MIPEP: variants seen among roughly 807,000 people sequenced by gnomAD.
MIPEP encodes the protein mitochondrial intermediate peptidase.
A neutral mutation model predicts 90.3 loss-of-function variants in MIPEP; 79 were observed. That is an observed-to-expected ratio of 0.87 (90% CI 0.73 to 1.05). MIPEP has a LOEUF of 1.05. MIPEP is among the 50% of genes least tolerant of loss of function. The pLI is 0.00. For synonymous variants in MIPEP, 334 were observed against 315.8 expected (o/e 1.06, Z -0.61); for missense variants, 940 against 905.6 (o/e 1.04, Z -0.49).
At chr13:23,767,196 G>A (rs1033587453) in intron 16 of MIPEP, among the ~76,000 whole-genome samples, 15 of 152,182 alleles carry the variant, frequency 9.9e-5, no homozygotes, top group Non-Finnish European at 2.1e-4. Flanking sequence ...CTGCAGCCTT[G>A]TGTGACCCCC....
intron 18 of MIPEP, among the ~76,000 whole-genome samples, chr13:23,742,064 G>C (rs1294764940): frequency 6.6e-6 from 1 of 152,192 alleles, no homozygotes; most frequent in Non-Finnish European, 1.5e-5. Context: ...CAGCAGAGCA[G>C]CTATTCGAAT....
intron 18 of MIPEP, among the ~76,000 whole-genome samples, chr13:23,753,500 G>C (rs1952462230): frequency 6.6e-6 from 1 of 152,188 alleles, no homozygotes; most frequent in African/African-American, 2.4e-5. Flanking sequence ...GCTGCAACTT[G>C]TCTTTTTTCC....
intron 3 of MIPEP, among the ~76,000 whole-genome samples, chr13:23,879,615 C>T (rs974828467): frequency 1.3e-5 from 2 of 151,968 alleles, no homozygotes; most frequent in African/African-American, 4.8e-5. Flanking sequence ...TCACTGCAGC[C>T]TCAATCTTCT....
intron 2 of MIPEP, among the ~76,000 whole-genome samples, chr13:23,884,816 A>G (rs73160640): frequency 2.5e-3 from 374 of 152,362 alleles, no homozygotes; most frequent in Non-Finnish European, 3.5e-3. Context: ...GTACGTGCTC[A>G]ACATTGACTG....
chr13:23,835,313 G>A (rs867951067), intron 14 of MIPEP, among the ~76,000 whole-genome samples: 2 of 151,812 alleles, frequency 1.3e-5, no homozygotes, highest in African/African-American at 2.4e-5. Context: ...GAGCCACTGT[G>A]CCAGCCAGAA....
intron 4 of MIPEP, among the ~76,000 whole-genome samples, chr13:23,877,297 G>C (rs1025841112): frequency 6.6e-6 from 1 of 151,968 alleles, no homozygotes; most frequent in South Asian, 2.1e-4. Context: ...TCTCCATTTC[G>C]GTCGCTTGCA....
intron 13 of MIPEP, among the ~76,000 whole-genome samples, chr13:23,836,926 CTG>C (rs1869080635): frequency 1.3e-5 from 2 of 152,226 alleles, no homozygotes; most frequent in African/African-American, 2.4e-5. Flanking sequence ...GTCCAAAATA[CTG>C]TGTGTAAAGT....
chr13:23,851,060 G>T (rs1259786210), intron 10 of MIPEP, among the ~76,000 whole-genome samples: 1 of 152,178 alleles, frequency 6.6e-6, no homozygotes, highest in African/African-American at 2.4e-5. Flanking sequence ...TGCCTAAGGA[G>T]CTTTTCCAAG....
chr13:23,806,103 C>T (rs779405392), intron 15 of MIPEP, 34 bp from the exon 16 acceptor site: 14 of 1,611,042 alleles, frequency 8.7e-6, no homozygotes, highest in South Asian at 5.5e-5. Flanking sequence ...TAGTTTTGGT[C>T]GTCCATCCTC....
intron 16 of MIPEP, among the ~76,000 whole-genome samples, chr13:23,768,223 G>A (rs1199147700): frequency 6.6e-6 from 1 of 152,190 alleles, no homozygotes; most frequent in African/African-American, 2.4e-5. Flanking sequence ...GGGAGGCCAA[G>A]TTTACACCCG....
intron 15 of MIPEP, 64 bp from the exon 16 acceptor site, chr13:23,806,133 C>T: frequency 6.4e-7 from 1 of 1,558,098 alleles, no homozygotes. Flanking sequence ...TGTGGTTGAC[C>T]AAAGATGCTA....
At chr13:23,762,842 C>T (rs1359426) in intron 16 of MIPEP, among the ~76,000 whole-genome samples, 83,438 of 151,982 alleles carry the variant, frequency 0.55, 23,340 homozygotes, top group East Asian at 0.79. Context: ...CAACCAACAG[C>T]GGGGCTGAGG....
intron 10 of MIPEP, among the ~76,000 whole-genome samples, chr13:23,848,839 C>A (rs746448730): frequency 6.6e-6 from 1 of 152,184 alleles, no homozygotes. Context: ...GTGACTCTCA[C>A]CAAATGCAGG....
intron 16 of MIPEP, among the ~76,000 whole-genome samples, chr13:23,767,475 G>C (rs1374392327): frequency 1.4e-5 from 2 of 148,106 alleles, no homozygotes; most frequent in East Asian, 4.0e-4. Context: ...TTTTTGAGAC[G>C]AAGTCTCACT....
chr13:23,755,924 T>TA lies in MIPEP; in HGVS notation c.2044+620dup, dbSNP rs140174573. Among the ~76,000 whole-genome samples, 120 of 147,720 alleles carry TA rather than the reference T, an allele frequency of 8.1e-4. No individual in the cohort carries two copies. In the Middle Eastern group the frequency reaches 0.017, roughly 21 times the overall value. Reference sequence around the variant, plus strand: ...TAAAAAATAAATGAGTTCTTTAGACTAAAAAAAAAACACTGTGACCTGTTA... The same window carrying TA: ...TAAAAAATAAATGAGTTCTTTAGACTAAAAAAAAAAACACTGTGACCTGTTA... On this transcript the variant is annotated intron_variant, in intron 18 of 18. Coordinates refer to ENST00000382172, the MANE Select transcript of MIPEP (RefSeq NM_005932.4).
intron 11 of MIPEP, 132 bp downstream of exon 11, chr13:23,841,203 T>A: frequency 1.4e-6 from 1 of 710,880 alleles, no homozygotes; most frequent in Non-Finnish European, 2.2e-6. Context: ...GGATTTTTTT[T>A]GTGAAGCAGA....
intron 16 of MIPEP, among the ~76,000 whole-genome samples, chr13:23,764,552 A>G (rs1030207280): frequency 2.6e-5 from 4 of 152,144 alleles, no homozygotes; most frequent in Non-Finnish European, 1.5e-5. Context: ...ATTTCTCCCA[A>G]TTATACTCTT....
At chr13:23,790,913 C>T (rs1952891570) in intron 16 of MIPEP, among the ~76,000 whole-genome samples, 1 of 152,142 alleles carries the variant, frequency 6.6e-6, no homozygotes, top group African/African-American at 2.4e-5. Context: ...CCTAACTCAG[C>T]CTCTCACTCC....
intron 5 of MIPEP, among the ~76,000 whole-genome samples, chr13:23,873,801 G>A (rs1370434585): frequency 6.6e-6 from 1 of 152,086 alleles, no homozygotes; most frequent in African/African-American, 2.4e-5. Context: ...TGTGGAAAGC[G>A]GCAAACGTGG....
Sources: gnomAD v4.1 joint callset for allele counts (sites outside exome capture counted in the v4.1 genomes callset) on GRCh38, gnomAD v4.1.1 for gene constraint, MANE v1.5 for transcripts, NCBI Gene and HGNC (gene_info 2026-07-23, HGNC 2026-07-21) for gene names.